The following TSPAN9 variants were observed in gnomAD, a reference collection of about 807,000 sequenced individuals.
The protein encoded by TSPAN9 is tetraspanin 9, also known as tetraspanin-9.
In TSPAN9, 16 loss-of-function variants were observed where a neutral mutation model predicts 31.0. That is an observed-to-expected ratio of 0.52 (90% CI 0.35 to 0.78). The LOEUF is 0.78. Ranked by LOEUF, TSPAN9 falls within the 30% of genes least tolerant of loss-of-function variation. The pLI, the probability that TSPAN9 is intolerant of heterozygous loss-of-function variation, is 0.01. For missense variants in TSPAN9, 272 were observed against 312.5 expected, an observed-to-expected ratio of 0.87 and a Z score of 0.98; for synonymous variants, 145 against 121.6, an observed-to-expected ratio of 1.19 and a Z score of -1.27.
At chr12:3,111,254 C>CA (rs1250108952) in intron 2 of TSPAN9, among the ~76,000 whole-genome samples, 1 of 152,224 alleles carries the variant, frequency 6.6e-6, no homozygotes, top group Non-Finnish European at 1.5e-5. Context: ...CTCCTCGTAA[C>CA]ACTTCTCAGC....
At chr12:3,103,095 G>A (rs1347898616) in intron 2 of TSPAN9, among the ~76,000 whole-genome samples, 2 of 152,174 alleles carry the variant, frequency 1.3e-5, no homozygotes, top group Non-Finnish European at 2.9e-5. Flanking sequence ...TATAATCCCA[G>A]TCAGCGTTGA....
At chr12:3,191,682 G>C (rs535805959) in intron 2 of TSPAN9, among the ~76,000 whole-genome samples, 3 of 152,318 alleles carry the variant, frequency 2.0e-5, no homozygotes, top group Non-Finnish European at 1.5e-5. Context: ...TGTTCATCAG[G>C]TATTGATTGG....
chr12:3,138,861 G>A (rs897429838), intron 2 of TSPAN9, among the ~76,000 whole-genome samples: 7 of 152,102 alleles, frequency 4.6e-5, no homozygotes, highest in African/African-American at 1.4e-4. Flanking sequence ...ACTGCTGGCC[G>A]AAGGTTCCAA....
At chr12:3,182,826 G>A (rs990688989) in intron 2 of TSPAN9, among the ~76,000 whole-genome samples, 2 of 152,144 alleles carry the variant, frequency 1.3e-5, no homozygotes, top group Admixed American at 1.3e-4. Context: ...TTGGAGCCTA[G>A]AATTGGGGCA....
chr12:3,154,000 T>TTA (rs527536828), intron 2 of TSPAN9, among the ~76,000 whole-genome samples: 10,857 of 103,434 alleles, frequency 0.1, 409 homozygotes, highest in Admixed American at 0.14. Context: ...TATATTAGTA[T>TTA]TATATATATA....
At position 3,219,089 on chromosome 12, in the gene TSPAN9, C is replaced by T. The variant is rs112575071; in HGVS notation, c.63+17833C>T. ...CCAGAGACAAGGGCTTACAGGTGGCCCTTCCCACCCGTGGGCGGCCGGGGG... is the reference window on the plus strand; with the variant it reads ...CCAGAGACAAGGGCTTACAGGTGGCTCTTCCCACCCGTGGGCGGCCGGGGG... On this transcript the variant is annotated intron_variant, in intron 3 of 8. Coordinates refer to ENST00000011898, the MANE Select transcript of TSPAN9 (RefSeq NM_006675.5). Among the ~76,000 whole-genome samples, 223 of 152,326 alleles carry T rather than the reference C, an allele frequency of 1.5e-3. 1 individual carries two copies. Among genetic ancestry groups the T allele is most frequent in the African/African-American group, 5.1e-3 (210 of 41,582 alleles).
At chr12:3,188,305 A>G (rs2098362488) in intron 2 of TSPAN9, among the ~76,000 whole-genome samples, 2 of 152,186 alleles carry the variant, frequency 1.3e-5, no homozygotes. Flanking sequence ...CCCGGGTTCC[A>G]CAGCACTGGG....
At chr12:3,249,924 G>A (rs759636675) in intron 3 of TSPAN9, among the ~76,000 whole-genome samples, 4 of 152,228 alleles carry the variant, frequency 2.6e-5, no homozygotes, top group Non-Finnish European at 5.9e-5. Context: ...CACAAGGGCA[G>A]TGCTGGCTTA....
chr12:3,243,746 T>C (rs600213), intron 3 of TSPAN9, among the ~76,000 whole-genome samples: 26,148 of 152,198 alleles, frequency 0.17, 2,656 homozygotes, highest in East Asian at 0.3. Flanking sequence ...GAGGGCCATG[T>C]AGGCCCCATT....
intron 2 of TSPAN9, among the ~76,000 whole-genome samples, chr12:3,189,024 G>A (rs1359229032): frequency 2.0e-5 from 3 of 152,192 alleles, no homozygotes; most frequent in Non-Finnish European, 4.4e-5. Context: ...AGCTCTCCCC[G>A]CTTGGAGCTT....
intron 3 of TSPAN9, among the ~76,000 whole-genome samples, chr12:3,244,412 G>T (rs2098398251): frequency 6.6e-6 from 1 of 152,232 alleles, no homozygotes; most frequent in Admixed American, 6.5e-5. Flanking sequence ...ACCCCAGCCG[G>T]AAGGAGGCCA....
At chr12:3,164,691 A>G (rs1435890644) in intron 2 of TSPAN9, among the ~76,000 whole-genome samples, 1 of 152,120 alleles carries the variant, frequency 6.6e-6, no homozygotes, top group Non-Finnish European at 1.5e-5. Flanking sequence ...CCTTTGCTGC[A>G]GGTGGATATT....
intron 2 of TSPAN9, among the ~76,000 whole-genome samples, chr12:3,118,035 T>C (rs1011886153): frequency 6.6e-6 from 1 of 151,612 alleles, no homozygotes; most frequent in African/African-American, 2.4e-5. Context: ...GGCCTGCCAC[T>C]CTCCAGTTAT....
At chr12:3,206,389 G>A (rs890631581) in intron 3 of TSPAN9, 2 of 455,860 alleles carry the variant, frequency 4.4e-6, no homozygotes, top group African/African-American at 2.0e-5. Flanking sequence ...CCTGCGCTGA[G>A]CATTTGAACA....
chr12:3,099,340 G>A (rs1167204105), intron 2 of TSPAN9, among the ~76,000 whole-genome samples: 2 of 152,078 alleles, frequency 1.3e-5, no homozygotes, highest in Non-Finnish European at 2.9e-5. Context: ...TTTCATTTCT[G>A]ACATTGTATT....
chr12:3,185,926 C>T (rs541421664), intron 2 of TSPAN9, among the ~76,000 whole-genome samples: 45 of 152,330 alleles, frequency 3.0e-4, no homozygotes, highest in South Asian at 1.2e-3. Context: ...CTTGGAGGCT[C>T]TCACTGTGGA....
intron 2 of TSPAN9, among the ~76,000 whole-genome samples, chr12:3,132,966 C>T (rs549959632): frequency 1.1e-4 from 16 of 152,154 alleles, no homozygotes; most frequent in African/African-American, 3.4e-4. Flanking sequence ...CAGATTGTCT[C>T]GAGAGGCGTT....
At chr12:3,091,637 TG>T (rs1424615164) in intron 2 of TSPAN9, among the ~76,000 whole-genome samples, 1 of 152,234 alleles carries the variant, frequency 6.6e-6, no homozygotes, top group Non-Finnish European at 1.5e-5. Context: ...TGTCAACTGC[TG>T]GGTGGTTTTT....
rs773393961 is a variant in TSPAN9, at chr12:3,278,390, G to A, written c.64-31G>A. 12 of 1,611,532 alleles carry A rather than the reference G, an allele frequency of 7.4e-6. No individual in the cohort carries two copies. The Admixed American group carries it at 1.5e-4, about 20-fold the overall frequency. ...GTCCATGGACGAATGTGAGAGCAGC[G>A]CCAGGCTAATGGGCTTTCCTTCCTT... is the stretch of plus-strand genomic sequence containing the variant. On this transcript the variant is annotated intron_variant, in intron 3 of 8. Coordinates refer to ENST00000011898, the MANE Select transcript of TSPAN9 (RefSeq NM_006675.5).
Sources: allele counts gnomAD v4.1 joint callset (sites outside exome capture counted in the v4.1 genomes callset), GRCh38; gene constraint gnomAD v4.1.1; transcripts MANE v1.5; gene names NCBI Gene and HGNC (gene_info 2026-07-23, HGNC 2026-07-21).